The following NRG3 variants were observed in gnomAD, a reference collection of about 807,000 sequenced individuals.
NRG3 encodes pro-neuregulin-3, membrane-bound isoform.
A neutral mutation model predicts 66.9 loss-of-function variants in NRG3; 31 were observed. The ratio of observed to expected loss-of-function variants is 0.46; its 90% CI spans 0.35 to 0.63. NRG3 has a LOEUF of 0.63. Ranked by LOEUF, NRG3 falls within the 20% of genes least tolerant of loss-of-function variation. The pLI is 0.00. For synonymous variants in NRG3, 393 were observed against 359.4 expected, an observed-to-expected ratio of 1.09 and a Z score of -1.06; for missense variants, 910 against 878.9, an observed-to-expected ratio of 1.04 and a Z score of -0.45.
chr10:82,602,429 A>G (rs962645966), intron 2 of NRG3, among the ~76,000 whole-genome samples: 3 of 151,978 alleles, frequency 2.0e-5, no homozygotes, highest in African/African-American at 4.8e-5. Context: ...ATGATCCTCT[A>G]CTTATAGTAT....
chr10:82,373,930 A>T (rs1460063961), intron 2 of NRG3, among the ~76,000 whole-genome samples: 1 of 152,138 alleles, frequency 6.6e-6, no homozygotes, highest in Non-Finnish European at 1.5e-5. Context: ...CATTATCTGG[A>T]TGTATGAAAT....
intron 4 of NRG3, among the ~76,000 whole-genome samples, chr10:82,922,113 A>C (rs78066722): frequency 0.11 from 16,168 of 151,906 alleles, 1,274 homozygotes; most frequent in African/African-American, 0.21. Context: ...CCACCTCTCT[A>C]TATATATAGA....
chr10:82,306,393 T>C (rs1209214391), intron 1 of NRG3, among the ~76,000 whole-genome samples: 1 of 152,050 alleles, frequency 6.6e-6, no homozygotes, highest in Non-Finnish European at 1.5e-5. Flanking sequence ...AATAATATGA[T>C]AATCTACTTT....
At chr10:82,580,376 C>G (rs373002669) in intron 2 of NRG3, among the ~76,000 whole-genome samples, 1 of 151,834 alleles carries the variant, frequency 6.6e-6, no homozygotes, top group Non-Finnish European at 1.5e-5. Context: ...ACACTTTTTA[C>G]AATTGAAGAA....
At position 82,889,421 on chromosome 10, in the gene NRG3, A is replaced by G. The variant is rs1842970570; in HGVS notation, c.1054+23984A>G. 2.0e-5 allele frequency among the ~76,000 whole-genome samples: 3 copies of G among 152,164 alleles called. 1 individual carries two copies. The South Asian group carries it at 6.2e-4, about 31-fold the overall frequency. The stretch of plus-strand genomic sequence containing the variant: ...TGAGAGAAGGAGGTTTGGAGAGGGA[A>G]AGTTGAATATAAGGAGCTAATTTTT... On this transcript the variant is annotated intron_variant, in intron 4 of 8. Coordinates refer to ENST00000372141, the MANE Select transcript of NRG3 (RefSeq NM_001010848.4).
chr10:82,886,259 G>T (rs2136092815), intron 4 of NRG3, among the ~76,000 whole-genome samples: 1 of 151,980 alleles, frequency 6.6e-6, no homozygotes, highest in Middle Eastern at 3.4e-3. Flanking sequence ...CTCCTATTAT[G>T]TGTCTTCTTT....
rs1011539189 is a variant in NRG3 at position 82,895,680 on chromosome 10, C to T, written c.1054+30243C>T. On this transcript the variant is annotated intron_variant, in intron 4 of 8. Coordinates refer to ENST00000372141, the MANE Select transcript of NRG3 (RefSeq NM_001010848.4). ...TAATTTTTTGTAATTTTAATAGAGA[C>T]GGTGTTTCACCGTGTTAGCCAGGAT... Among the ~76,000 whole-genome samples, 38 of 151,964 alleles carry T rather than the reference C, an allele frequency of 2.5e-4. 1 individual carries two copies. Among genetic ancestry groups the T allele is most frequent in the Non-Finnish European group, 1.3e-4 (9 of 67,974 alleles).
chr10:82,455,837 C>T (rs540627407), intron 2 of NRG3, among the ~76,000 whole-genome samples: 15 of 151,964 alleles, frequency 9.9e-5, no homozygotes, highest in Non-Finnish European at 1.8e-4. Context: ...CCAGGATGGT[C>T]TCTATCTCCT....
chr10:82,751,906 C>G (rs2058881465), intron 3 of NRG3, among the ~76,000 whole-genome samples: 1 of 151,844 alleles, frequency 6.6e-6, no homozygotes, highest in Admixed American at 6.6e-5. Flanking sequence ...TTGTTTGTTT[C>G]TTGTGTATCT....
intron 2 of NRG3, among the ~76,000 whole-genome samples, chr10:82,655,266 T>TA (rs1286550710): frequency 1.3e-5 from 2 of 151,854 alleles, no homozygotes; most frequent in Non-Finnish European, 2.9e-5. Context: ...AAAATGGCAT[T>TA]AAAAAACAAA....
intron 3 of NRG3, among the ~76,000 whole-genome samples, chr10:82,775,976 T>C (rs2059898908): frequency 6.6e-6 from 1 of 152,188 alleles, no homozygotes; most frequent in African/African-American, 2.4e-5. Context: ...CACATTGTCA[T>C]TGCAGTAATG....
rs1202226892 is a variant in NRG3, at chr10:82,638,704, T to TG, written c.954-99871dup. ...GCTCTGTCACCAGGCTGGAGTGCAG[T>TG]GGTGCGATCTCAGCTAACTGCAGCT... On this transcript the variant is annotated intron_variant, in intron 2 of 8. Coordinates refer to ENST00000372141, the MANE Select transcript of NRG3 (RefSeq NM_001010848.4). Among the ~76,000 whole-genome samples, 2 of 152,074 alleles carry TG rather than the reference T, an allele frequency of 1.3e-5. 1 individual carries two copies. The highest frequency in any genetic ancestry group is 4.8e-5 in the African/African-American group (2 of 41,404).
intron 1 of NRG3, among the ~76,000 whole-genome samples, chr10:81,877,202 T>G (rs1841744666): frequency 6.6e-6 from 1 of 152,218 alleles, no homozygotes; most frequent in Non-Finnish European, 1.5e-5. Flanking sequence ...TTATAAATGT[T>G]GTAGGTGACT....
intron 1 of NRG3, among the ~76,000 whole-genome samples, chr10:82,155,882 G>A (rs747848228): frequency 6.6e-6 from 1 of 151,690 alleles, no homozygotes; most frequent in Non-Finnish European, 1.5e-5. Flanking sequence ...AACAAAGGTA[G>A]CAGAATCCTC....
At chr10:82,361,509 A>G (rs2084140150) in intron 2 of NRG3, among the ~76,000 whole-genome samples, 1 of 152,202 alleles carries the variant, frequency 6.6e-6, no homozygotes, top group South Asian at 2.1e-4. Flanking sequence ...AGTTATTAAT[A>G]AAGTGCCATT....
chr10:82,733,951 C>G (rs2058039091), intron 2 of NRG3, among the ~76,000 whole-genome samples: 1 of 152,312 alleles, frequency 6.6e-6, no homozygotes, highest in Admixed American at 6.5e-5. Flanking sequence ...CCAGGATAAT[C>G]ACTTTTAGCT....
chr10:82,637,175 A>G (rs1188168286), intron 2 of NRG3, among the ~76,000 whole-genome samples: 1 of 152,166 alleles, frequency 6.6e-6, no homozygotes, highest in African/African-American at 2.4e-5. Context: ...CCTTAAGTAT[A>G]CACAATAAAA....
At chr10:82,413,717 C>T (rs1397001093) in intron 2 of NRG3, among the ~76,000 whole-genome samples, 1 of 152,148 alleles carries the variant, frequency 6.6e-6, no homozygotes, top group African/African-American at 2.4e-5. Context: ...ATTATCTTAG[C>T]TAGATCTTCT....
chr10:82,597,919 CAA>C (rs113523358), intron 2 of NRG3, among the ~76,000 whole-genome samples: 226 of 128,460 alleles, frequency 1.8e-3, no homozygotes, highest in Admixed American at 2.9e-3. Context: ...GACTCCCTCT[CAA>C]AAAAAAAAAA....
Sources: allele counts gnomAD v4.1 joint callset (sites outside exome capture counted in the v4.1 genomes callset), GRCh38; gene constraint gnomAD v4.1.1; transcripts MANE v1.5; gene names NCBI Gene and HGNC (gene_info 2026-07-23, HGNC 2026-07-21).